CHD6: variants seen among roughly 807,000 people sequenced by gnomAD.
CHD6 encodes the protein chromodomain helicase DNA binding protein 6, also known as ATP-dependent chromatin remodeler CHD6.
A neutral mutation model predicts 276.9 loss-of-function variants in CHD6; 50 were observed. The ratio of observed to expected loss-of-function variants is 0.18; its 90% CI spans 0.14 to 0.23. CHD6 has a LOEUF of 0.23. Among genes scored for constraint, CHD6 ranks in the 10% least tolerant of loss-of-function variants. The probability of loss-of-function intolerance (pLI) is 1.00; values close to 1 mark genes in which losing one functional copy is unlikely to be tolerated. For synonymous variants in CHD6, 1,173 were observed against 1,229.3 expected (o/e 0.95, Z 0.96); for missense variants, 2,564 against 3,365.8 (o/e 0.76, Z 5.89).
At chr20:41,423,428 G>C in intron 30 of CHD6, 64 bp downstream of exon 30, 3 of 1,493,816 alleles carry the variant, frequency 2.0e-6, no homozygotes, top group Non-Finnish European at 2.8e-6. Context: ...AAGTAATTCT[G>C]CAATTTGAAA....
chr20:41,582,906 G>A (rs1055006428), intron 1 of CHD6, among the ~76,000 whole-genome samples: 3 of 152,118 alleles, frequency 2.0e-5, no homozygotes, highest in Admixed American at 6.5e-5. Flanking sequence ...CGAACTTGAA[G>A]ATAGGTCACT....
intron 27 of CHD6, 140 bp from the exon 28 acceptor site, chr20:41,426,293 T>C (rs930903461): frequency 1.4e-6 from 1 of 707,622 alleles, no homozygotes; most frequent in African/African-American, 1.8e-5. Context: ...AGATAGGACC[T>C]GATAAAGCTT....
At chr20:41,525,137 C>T (rs1480047756) in intron 3 of CHD6, among the ~76,000 whole-genome samples, 2 of 152,138 alleles carry the variant, frequency 1.3e-5, no homozygotes, top group Non-Finnish European at 1.5e-5. Flanking sequence ...CCTAGGACAC[C>T]GTACACATGG....
At chr20:41,561,742 G>A (rs2045303581) in intron 1 of CHD6, among the ~76,000 whole-genome samples, 1 of 152,104 alleles carries the variant, frequency 6.6e-6, no homozygotes, top group Non-Finnish European at 1.5e-5. Context: ...ACAGGCTGGA[G>A]GTCAATTTCT....
chr20:41,472,564 A>G (rs2043079626), intron 17 of CHD6, among the ~76,000 whole-genome samples: 2 of 152,212 alleles, frequency 1.3e-5, no homozygotes, highest in African/African-American at 2.4e-5. Flanking sequence ...AATGGCTGTA[A>G]ATCTATATTC....
intron 4 of CHD6, 123 bp from the exon 5 acceptor site, chr20:41,513,118 C>G: frequency 1.9e-6 from 2 of 1,056,494 alleles, no homozygotes; most frequent in Non-Finnish European, 2.8e-6. Flanking sequence ...CAAAAGAAAT[C>G]TTTCTTAAAT....
At chr20:41,551,446 AG>A (rs2045144721) in intron 1 of CHD6, 86 bp from the exon 2 acceptor site, 1 of 638,502 alleles carries the variant, frequency 1.6e-6, no homozygotes, top group Non-Finnish European at 2.7e-6. Context: ...GTAACACACA[AG>A]GAAAACAAAC....
chr20:41,407,873 C>T (rs971826632), intron 36 of CHD6, among the ~76,000 whole-genome samples: 4 of 152,126 alleles, frequency 2.6e-5, no homozygotes, highest in Non-Finnish European at 5.9e-5. Flanking sequence ...AGGCACTGTA[C>T]GAAGGGCTTC....
chr20:41,414,865 A>G (rs2046946182), intron 34 of CHD6: 1 of 1,212,982 alleles, frequency 8.2e-7, no homozygotes, highest in Non-Finnish European at 1.0e-6. Context: ...AAGCCGCTGC[A>G]CACTCAACCC....
rs534029168 is a variant in CHD6, at chr20:41,414,059, A to T, written c.6940-544T>A. The T allele has an allele frequency of 3.3e-5, 5 of 152,364 alleles. No individual in the cohort carries two copies. The South Asian group carries it at 1.0e-3, about 32-fold the overall frequency. The allele number at this position is 152,364 out of a possible 1,614,324, so 9.4% of individuals were successfully genotyped here. A position where few individuals can be genotyped will look rare whatever the true frequency, so the allele number is the denominator to read the frequency against. On this transcript the variant is annotated intron_variant, in intron 34 of 36. Coordinates refer to ENST00000373233, the MANE Select transcript of CHD6 (RefSeq NM_032221.5). ...GGGGAAAATTTTTATCGGTCATTCC[A>T]TTGGAATTCTATGATCATTATAGAG...
intron 31 of CHD6, among the ~76,000 whole-genome samples, chr20:41,417,822 ATT>A (rs1390953017): frequency 6.6e-6 from 1 of 152,270 alleles, no homozygotes; most frequent in Non-Finnish European, 1.5e-5. Flanking sequence ...GACAGACCTG[ATT>A]CATGTAAAAA....
At chr20:41,407,346 TG>T (rs2046710237) in intron 36 of CHD6, among the ~76,000 whole-genome samples, 2 of 151,820 alleles carry the variant, frequency 1.3e-5, no homozygotes, top group African/African-American at 4.8e-5. Flanking sequence ...GGTACACTCT[TG>T]GGGTGCGAAA....
Position 41,496,450 on chromosome 20 carries a change from T to C in CHD6, c.1092+934A>G, listed in dbSNP as rs190702474. On this transcript the variant is annotated intron_variant, in intron 8 of 36. Transcript: ENST00000373233. ...AGTCTATCTCTGCGCATGTGGGAAG[T>C]TGCAGGCTCTTGGAGCCTGAGTTTC... 2.0e-4 allele frequency among the ~76,000 whole-genome samples: 30 copies of C among 152,272 alleles called. No homozygotes were observed. In the East Asian group the frequency reaches 5.4e-3, roughly 27 times the overall value.
chr20:41,581,660 G>A (rs2045541556), intron 1 of CHD6, among the ~76,000 whole-genome samples: 1 of 142,292 alleles, frequency 7.0e-6, no homozygotes, highest in African/African-American at 2.8e-5. Flanking sequence ...TGACGACAGA[G>A]CGAGACTCCA....
intron 27 of CHD6, among the ~76,000 whole-genome samples, chr20:41,435,890 GCTA>G (rs1350083983): frequency 1.3e-5 from 2 of 152,028 alleles, no homozygotes; most frequent in Non-Finnish European, 2.9e-5. Context: ...AGGATTATGT[GCTA>G]CTGACAGAGG....
At chr20:41,460,284 A>C (rs1330256345) in intron 17 of CHD6, among the ~76,000 whole-genome samples, 1 of 152,258 alleles carries the variant, frequency 6.6e-6, no homozygotes, top group Non-Finnish European at 1.5e-5. Flanking sequence ...GCGATAGAAA[A>C]GAAAAATCAA....
intron 17 of CHD6, among the ~76,000 whole-genome samples, chr20:41,460,999 C>T (rs945127551): frequency 2.0e-5 from 3 of 152,348 alleles, no homozygotes; most frequent in African/African-American, 7.2e-5. Flanking sequence ...CTTGCATCAG[C>T]ATGACCTGAA....
intron 1 of CHD6, among the ~76,000 whole-genome samples, chr20:41,555,106 G>A (rs1300869474): frequency 1.4e-5 from 2 of 142,716 alleles, no homozygotes; most frequent in Admixed American, 1.4e-4. Flanking sequence ...CCGGGCGGGG[G>A]GCTGACCCCC....
chr20:41,510,336 GCAA>G (rs1314860004), intron 5 of CHD6, among the ~76,000 whole-genome samples: 1 of 152,150 alleles, frequency 6.6e-6, no homozygotes, highest in Non-Finnish European at 1.5e-5. Context: ...TGGTTCTGCA[GCAA>G]CGAGGACTCT....
Sources: allele counts gnomAD v4.1 joint callset (sites outside exome capture counted in the v4.1 genomes callset), GRCh38; gene constraint gnomAD v4.1.1; transcripts MANE v1.5; gene names NCBI Gene and HGNC (gene_info 2026-07-23, HGNC 2026-07-21).